ADK: variants seen among roughly 807,000 people sequenced by gnomAD.
The protein encoded by ADK is adenosine kinase.
A neutral mutation model predicts 44.7 loss-of-function variants in ADK; 24 were observed. The observed-to-expected ratio is 0.54, with a 90% confidence interval of 0.39 to 0.76. ADK has a LOEUF of 0.76. ADK is among the 30% of genes least tolerant of loss of function. The pLI is 0.00. For synonymous variants in ADK, 128 were observed against 142.6 expected, an observed-to-expected ratio of 0.90 and a Z score of 0.73; for missense variants, 321 against 425.1, an observed-to-expected ratio of 0.76 and a Z score of 2.15.
intron 3 of ADK, among the ~76,000 whole-genome samples, chr10:74,230,684 CTTTT>C (rs35111858): frequency 1.4e-5 from 2 of 140,716 alleles, no homozygotes; most frequent in Admixed American, 7.1e-5. Flanking sequence ...CAGCCAGTAA[CTTTT>C]TTTTTTTTTT....
intron 9 of ADK, among the ~76,000 whole-genome samples, chr10:74,626,490 A>T (rs369500738): frequency 6.6e-6 from 1 of 151,912 alleles, no homozygotes; most frequent in African/African-American, 2.4e-5. Flanking sequence ...TTTAGTAGAG[A>T]TGGGGTTTTA....
chr10:74,589,744 CAT>C (rs1379498743), intron 8 of ADK, among the ~76,000 whole-genome samples: 2 of 152,296 alleles, frequency 1.3e-5, no homozygotes, highest in African/African-American at 4.8e-5. Flanking sequence ...AGCCCTATCA[CAT>C]GTAGATTATC....
chr10:74,217,395 G>A (rs915850671), intron 2 of ADK, among the ~76,000 whole-genome samples: 5 of 152,238 alleles, frequency 3.3e-5, no homozygotes, highest in African/African-American at 1.2e-4. Context: ...GCCCACCACA[G>A]CTCAAGGAGG....
chr10:74,224,440 C>T (rs1455313020), intron 2 of ADK, 98 bp from the exon 3 acceptor site: 2 of 894,168 alleles, frequency 2.2e-6, no homozygotes, highest in African/African-American at 1.7e-5. Context: ...AAGTCAGAGA[C>T]CTATAACAGT....
At chr10:74,386,134 C>CA (rs1228114370) in intron 4 of ADK, among the ~76,000 whole-genome samples, 11 of 152,138 alleles carry the variant, frequency 7.2e-5, no homozygotes, top group Non-Finnish European at 1.5e-4. Context: ...TTTTCCTTAT[C>CA]AATCTATTTC....
At position 74,708,312 on chromosome 10, in the gene ADK, G is replaced by A. The variant is rs1386354477; in HGVS notation, c.965-9G>A. 2 of 1,607,156 alleles carry A rather than the reference G, an allele frequency of 1.2e-6. No homozygotes were observed. The highest frequency in any genetic ancestry group is 1.7e-6 in the Non-Finnish European group (2 of 1,178,030). On this transcript the variant is annotated splice_polypyrimidine_tract_variant and intron_variant, in intron 10 of 10. Coordinates refer to ENST00000539909, the MANE Select transcript of ADK (RefSeq NM_006721.4). ...AATACTCATGTGTTTTTTTTTGCCT[G>A]TGTTCTAGGTTTTCTGTCTCAACTG...
chr10:74,451,808 C>T (rs531853536), intron 6 of ADK, among the ~76,000 whole-genome samples: 3 of 151,916 alleles, frequency 2.0e-5, no homozygotes, highest in East Asian at 3.9e-4. Context: ...AACAAAATAC[C>T]AGAAAGTGAA....
intron 3 of ADK, among the ~76,000 whole-genome samples, chr10:74,262,855 A>T (rs35382240): frequency 4.6e-5 from 7 of 152,196 alleles, no homozygotes; most frequent in Non-Finnish European, 7.4e-5. Context: ...ATGGACTGTG[A>T]TGCTTGCTTG....
chr10:74,326,188 T>C (rs188124121), intron 4 of ADK, among the ~76,000 whole-genome samples: 3 of 152,332 alleles, frequency 2.0e-5, no homozygotes, highest in African/African-American at 7.2e-5. Flanking sequence ...CTTATTTTTG[T>C]TGTGTCCTTG....
At chr10:74,502,053 G>A (rs1001084947) in intron 6 of ADK, among the ~76,000 whole-genome samples, 4 of 151,950 alleles carry the variant, frequency 2.6e-5, no homozygotes, top group African/African-American at 7.2e-5. Flanking sequence ...TGTTTCTCAA[G>A]GTCATCCAAC....
chr10:74,316,084 A>T (rs192791210), intron 4 of ADK, among the ~76,000 whole-genome samples: 12 of 152,180 alleles, frequency 7.9e-5, no homozygotes, highest in Admixed American at 7.9e-4. Context: ...CTAAAAAAAT[A>T]CAAAAATTAG....
rs1591941472 is a variant in ADK at position 74,256,333 on chromosome 10, T to A, written c.194+31742T>A. On this transcript the variant is annotated intron_variant, in intron 3 of 10. Coordinates refer to ENST00000539909, the MANE Select transcript of ADK (RefSeq NM_006721.4). ...TTTGAAAGAGTACTTAACATTATCC[T>A]GGTTATATGTTTAGCAGATTTGGCA... 2.6e-5 allele frequency among the ~76,000 whole-genome samples: 4 copies of A among 152,334 alleles called. 2 individuals carry two copies. The highest frequency in any genetic ancestry group is 2.6e-4 in the Admixed American group (4 of 15,298).
intron 10 of ADK, among the ~76,000 whole-genome samples, chr10:74,674,698 A>G (rs952265418): frequency 6.6e-6 from 1 of 152,188 alleles, no homozygotes; most frequent in Non-Finnish European, 1.5e-5. Context: ...CCTGGCCAAC[A>G]TGGTGAAACC....
chr10:74,595,756 G>A (rs71492150), intron 8 of ADK, among the ~76,000 whole-genome samples: 117,657 of 117,774 alleles, frequency 1, 58,770 homozygotes, highest in Middle Eastern at 1. Flanking sequence ...CAGCACTTTG[G>A]GAGGCCAAGG....
intron 7 of ADK, among the ~76,000 whole-genome samples, chr10:74,586,517 TAGTC>T (rs1281472904): frequency 6.6e-6 from 1 of 152,184 alleles, no homozygotes; most frequent in East Asian, 1.9e-4. Context: ...TTCTTGCAGT[TAGTC>T]AGCTCCATAC....
intron 9 of ADK, among the ~76,000 whole-genome samples, chr10:74,657,936 A>C (rs1854550960): frequency 6.6e-6 from 1 of 152,248 alleles, no homozygotes; most frequent in Non-Finnish European, 1.5e-5. Flanking sequence ...ATTTGGAACT[A>C]AGAGTGAAAG....
At chr10:74,690,208 A>G (rs992404089) in intron 10 of ADK, among the ~76,000 whole-genome samples, 3 of 152,172 alleles carry the variant, frequency 2.0e-5, no homozygotes, top group Non-Finnish European at 2.9e-5. Flanking sequence ...ATAAAATCCA[A>G]ATCAGGCTGG....
In ADK at chr10:74,534,646, G is replaced by A. The variant is rs941357842; in HGVS notation, c.726+9220G>A. Reference sequence around the variant, plus strand: ...CTAATGCATGTAAAGTTTCAGCTTGGCTCATGGAATATATTCTCAATTTTT... The same window carrying A: ...CTAATGCATGTAAAGTTTCAGCTTGACTCATGGAATATATTCTCAATTTTT... On this transcript the variant is annotated intron_variant, in intron 7 of 10. Transcript: ENST00000539909. Among the ~76,000 whole-genome samples, 3 of 152,132 alleles carry A rather than the reference G, an allele frequency of 2.0e-5. No homozygotes were observed. The East Asian group carries it at 5.8e-4, about 29-fold the overall frequency.
intron 3 of ADK, among the ~76,000 whole-genome samples, chr10:74,233,460 C>T (rs1393068584): frequency 6.6e-6 from 1 of 152,060 alleles, no homozygotes; most frequent in Non-Finnish European, 1.5e-5. Flanking sequence ...CTGCCCATAC[C>T]TTTGTGTCTG....
Sources: allele counts gnomAD v4.1 joint callset (sites outside exome capture counted in the v4.1 genomes callset), GRCh38; gene constraint gnomAD v4.1.1; transcripts MANE v1.5; gene names NCBI Gene and HGNC (gene_info 2026-07-23, HGNC 2026-07-21).